Variants in RNF213 observed in about 807,000 individuals in gnomAD.
The protein encoded by RNF213 is E3 ubiquitin-protein ligase RNF213.
RNF213 carries 341 observed loss-of-function variants against 514.4 expected under a neutral mutation model. That is an observed-to-expected ratio of 0.66 (90% CI 0.61 to 0.73). The LOEUF (loss-of-function observed/expected upper bound fraction) is 0.73, where lower values mean the gene tolerates loss of function less well. RNF213 is among the 30% of genes least tolerant of loss of function. RNF213 has a pLI of 0.00. For synonymous variants in RNF213, 2,655 were observed against 2,658.2 expected (o/e 1.00, Z 0.04); for missense variants, 5,767 against 6,615.6 (o/e 0.87, Z 4.45).
rs999066472 is a variant in RNF213 at position 80,394,450 on chromosome 17, G to A, written c.*952G>A. ...GCACATACAAAACCAGTTATGTTTC[G>A]GAAAGAGGGAAAAGAGTCCCCGAGC... is the stretch of plus-strand genomic sequence containing the variant. On this transcript the variant is annotated 3_prime_UTR_variant, in exon 68 of 68. Coordinates refer to ENST00000582970, the MANE Select transcript of RNF213 (RefSeq NM_001256071.3). 7.9e-5 allele frequency: 12 copies of A among 152,098 alleles called. No homozygotes were observed. The highest frequency in any genetic ancestry group is 2.6e-4 in the Admixed American group (4 of 15,270). The allele number at this position is 152,098 out of a possible 1,614,324, so 9.4% of individuals were successfully genotyped here.
At chr17:80,348,708 C>T (rs1374753263) in intron 29 of RNF213, among the ~76,000 whole-genome samples, 5 of 152,182 alleles carry the variant, frequency 3.3e-5, no homozygotes, top group South Asian at 2.1e-4. Context: ...GACCAGGATG[C>T]GAGCTCAGAT....
chr17:80,382,034 A>C, intron 57 of RNF213: 1 of 398,048 alleles, frequency 2.5e-6, no homozygotes. Context: ...GTGTGCATAT[A>C]TGGGGAGTCT....
Position 80,369,557 on chromosome 17 carries a change from G to A in RNF213, c.12211G>A (p.Asp4071Asn). 2.5e-6 allele frequency: 4 copies of A among 1,614,214 alleles called. No individual in the cohort carries two copies. Among genetic ancestry groups the A allele is most frequent in the Non-Finnish European group, 3.4e-6 (4 of 1,180,034 alleles). The change falls in exon 45 of 68, where the codon GAC becomes AAC. Residue 4071 changes from aspartate to asparagine, a missense_variant. Physicochemically the swap from Asp to Asn is conservative, Grantham distance 23. Coordinates refer to ENST00000582970, the MANE Select transcript of RNF213 (RefSeq NM_001256071.3). ...FRQMCNSFFVDLVSTICFKDN... is the reference protein window; with the variant it reads ...FRQMCNSFFVNLVSTICFKDN... ...GCAGATGTGCAACAGTTTCTTCGTAGACCTGGTGTCCACCATTTGCTTCAA... is the reference window on the plus strand; with the variant it reads ...GCAGATGTGCAACAGTTTCTTCGTAAACCTGGTGTCCACCATTTGCTTCAA...
At chr17:80,282,959 A>G (rs1456219833) in intron 3 of RNF213, among the ~76,000 whole-genome samples, 2 of 152,278 alleles carry the variant, frequency 1.3e-5, no homozygotes, top group African/African-American at 4.8e-5. Context: ...CGTTCTCTCA[A>G]AGTGCTGGGA....
chr17:80,374,462 T>C lies in RNF213; in HGVS notation c.12947T>C (p.Leu4316Pro), dbSNP rs1325857805. ...CAACTAACCTCTGTATTCCAGGGGC[T>C]GCGGCAGGACCACCCAGGCCAGATG... ...FPKDVVKQQG[L>P]RQDHPGQMDR... is the part of the protein sequence containing the mutation. Residue 4316 changes from leucine to proline, a missense_variant, in exon 50 of 68, where the codon CTG (leucine) becomes CCG (proline). Around this residue, in one of 13 missense-constraint regions of RNF213, gnomAD observed 1,245 missense variants for 1,339.0 expected, o/e 0.93. Transcript: ENST00000582970. 1 of 1,614,050 alleles carries C rather than the reference T, an allele frequency of 6.2e-7. No individual in the cohort carries two copies. Among genetic ancestry groups the C allele is most frequent in the East Asian group, 2.2e-5 (1 of 44,896 alleles).
intron 26 of RNF213, among the ~76,000 whole-genome samples, chr17:80,342,658 TATA>T (rs1237135408): frequency 6.8e-6 from 1 of 146,924 alleles, no homozygotes; most frequent in Admixed American, 6.9e-5. Flanking sequence ...TTTTTACATA[TATA>T]ATATATATTC....
chr17:80,278,286 C>G (rs1224282306), intron 3 of RNF213, among the ~76,000 whole-genome samples: 2 of 152,240 alleles, frequency 1.3e-5, no homozygotes, highest in African/African-American at 4.8e-5. Context: ...ATGCCCGCTA[C>G]AGGGCCAGAC....
chr17:80,276,982 G>T (rs572090646), intron 3 of RNF213, among the ~76,000 whole-genome samples: 1 of 151,946 alleles, frequency 6.6e-6, no homozygotes, highest in Non-Finnish European at 1.5e-5. Flanking sequence ...ACTTGAACCC[G>T]GGAGGGGGAG....
rs139844147 is a variant in RNF213, at chr17:80,279,381, G to A, written c.261+5977G>A. The stretch of plus-strand genomic sequence containing the variant: ...AGGTCTTGGATGGCGCTCGCCACGT[G>A]GGGGTGTAGTGGAAGCCCTGCTCAG... On this transcript the variant is annotated intron_variant, in intron 3 of 67. Transcript: ENST00000582970. Among the ~76,000 whole-genome samples, 8 of 152,282 alleles carry A rather than the reference G, an allele frequency of 5.3e-5. No homozygotes were observed. In the South Asian group the frequency reaches 1.7e-3, roughly 32 times the overall value.
chr17:80,266,744 C>T (rs1429170945), intron 2 of RNF213, among the ~76,000 whole-genome samples: 1 of 151,862 alleles, frequency 6.6e-6, no homozygotes, highest in Admixed American at 6.6e-5. Flanking sequence ...TCAAGTGATG[C>T]GCCCACCTTG....
In RNF213 at chr17:80,296,980, G is replaced by A. The variant is rs549790931; in HGVS notation, c.2012+1167G>A. Reference sequence around the variant, plus strand: ...AGACATGAGCCACTGTGCCTGGCCTGGTTTTACAAATAAAAAACAACCAAA... The same window carrying A: ...AGACATGAGCCACTGTGCCTGGCCTAGTTTTACAAATAAAAAACAACCAAA... On this transcript the variant is annotated intron_variant, in intron 10 of 67. Coordinates refer to ENST00000582970, the MANE Select transcript of RNF213 (RefSeq NM_001256071.3). Among the ~76,000 whole-genome samples the A allele has an allele frequency of 3.3e-5, 5 of 151,766 alleles. No homozygotes were observed. In the South Asian group the frequency reaches 6.2e-4, roughly 19 times the overall value.
Position 80,358,496 on chromosome 17 carries a change from CT to C in RNF213, c.11054+20del, listed in dbSNP as rs746534578. ...TAATGAAAGGTGAGTGGAAGGCTTTCTTTCCCTGGGGAGAGAAACTATCAGA... is the reference window on the plus strand; with the variant it reads ...TAATGAAAGGTGAGTGGAAGGCTTTCTTCCCTGGGGAGAGAAACTATCAGA... On this transcript the variant is annotated intron_variant, in intron 37 of 67. Coordinates refer to ENST00000582970, the MANE Select transcript of RNF213 (RefSeq NM_001256071.3). 3 of 1,609,396 alleles carry C rather than the reference CT, an allele frequency of 1.9e-6. No homozygotes were observed. The highest frequency in any genetic ancestry group is 2.6e-6 in the Non-Finnish European group (3 of 1,176,094).
In RNF213 at chr17:80,343,348, C is replaced by A; in HGVS notation, c.6183+23C>A. Reference sequence around the variant, plus strand: ...TCAGTAAGTGCCCTCCAGCGTCAGCCGATGGCCACATCAGTAAAGACGTGG... The same window carrying A: ...TCAGTAAGTGCCCTCCAGCGTCAGCAGATGGCCACATCAGTAAAGACGTGG... On this transcript the variant is annotated intron_variant, in intron 27 of 67. Coordinates refer to ENST00000582970, the MANE Select transcript of RNF213 (RefSeq NM_001256071.3). The surrounding 1 kb of genome is among the most constrained non-coding windows in gnomAD (Gnocchi z 4.3). 6.3e-7 allele frequency: 1 copy of A among 1,599,910 alleles called. No homozygotes were observed. Among genetic ancestry groups the A allele is most frequent in the East Asian group, 2.2e-5 (1 of 44,468 alleles).
chr17:80,309,302 C>CA (rs1362709115), intron 14 of RNF213, 131 bp downstream of exon 14: 3 of 1,097,644 alleles, frequency 2.7e-6, no homozygotes, highest in Non-Finnish European at 4.1e-6. Flanking sequence ...CAGCAGTGGA[C>CA]ATTTCTTGTG....
intron 3 of RNF213, among the ~76,000 whole-genome samples, chr17:80,287,577 G>C (rs2044516159): frequency 6.6e-6 from 1 of 152,236 alleles, no homozygotes; most frequent in African/African-American, 2.4e-5. Flanking sequence ...TCTCAGCCCG[G>C]CCGTGACCGT....
intron 32 of RNF213, chr17:80,352,095 C>T (rs548051468): frequency 1.5e-4 from 45 of 291,958 alleles, no homozygotes; most frequent in Non-Finnish European, 2.2e-4. Flanking sequence ...CCTCATGATC[C>T]GCTCGCCCCA....
At chr17:80,319,998 T>C (rs961295124) in intron 17 of RNF213, 1 of 1,027,610 alleles carries the variant, frequency 9.7e-7, no homozygotes, top group Non-Finnish European at 1.2e-6. Context: ...AAGGTTTTCC[T>C]TTCCCTTTTT....
chr17:80,343,109 T>G lies in RNF213; in HGVS notation c.5990-23T>G. Reference sequence around the variant, plus strand: ...AGGTGTGAGCCACCACTCCCAGCCCTAATTTCTGTATTAATGTTATAGGAA... The same window carrying G: ...AGGTGTGAGCCACCACTCCCAGCCCGAATTTCTGTATTAATGTTATAGGAA... On this transcript the variant is annotated intron_variant, in intron 26 of 67. Coordinates refer to ENST00000582970, the MANE Select transcript of RNF213 (RefSeq NM_001256071.3). The surrounding 1 kb of genome is among the most constrained non-coding windows in gnomAD (Gnocchi z 4.3). 6.2e-7 allele frequency: 1 copy of G among 1,603,650 alleles called. No homozygotes were observed. The highest frequency in any genetic ancestry group is 1.1e-5 in the South Asian group (1 of 90,784).
intron 20 of RNF213, among the ~76,000 whole-genome samples, chr17:80,331,766 G>A (rs986304537): frequency 1.3e-5 from 2 of 152,134 alleles, no homozygotes; most frequent in Non-Finnish European, 1.5e-5. Context: ...AAATAGGTGC[G>A]TGTTTTCCCA....
Sources: gnomAD v4.1 joint callset for allele counts (sites outside exome capture counted in the v4.1 genomes callset) on GRCh38, gnomAD v4.1.1 for gene constraint, gnomAD v4.1.1 regional missense constraint, Gnocchi (gnomAD v3.1) non-coding constraint, MANE v1.5 for transcripts, NCBI Gene and HGNC (gene_info 2026-07-23, HGNC 2026-07-21) for gene names.